CCDC7: variants seen among roughly 807,000 people sequenced by gnomAD.
CCDC7 encodes the protein coiled-coil domain-containing protein 7.
CCDC7 carries 183 observed loss-of-function variants against 196.9 expected under a neutral mutation model. The observed-to-expected ratio is 0.93, with a 90% CI of 0.82 to 1.05. CCDC7 has a LOEUF of 1.05. Ranked by LOEUF, CCDC7 falls within the 50% of genes least tolerant of loss-of-function variation. The probability of loss-of-function intolerance (pLI) is 0.00; values close to 1 mark genes in which losing one functional copy is unlikely to be tolerated. For missense variants in CCDC7, 1,540 were observed against 1,482.2 expected (o/e 1.04, Z -0.64); for synonymous variants, 525 against 484.6 (o/e 1.08, Z -1.10).
intron 41 of CCDC7, among the ~76,000 whole-genome samples, chr10:32,862,169 A>C (rs980561114): frequency 2.0e-5 from 3 of 152,180 alleles, no homozygotes; most frequent in Non-Finnish European, 4.4e-5. Context: ...ACCAACCCAA[A>C]TGCCCATCAG....
intron 9 of CCDC7, among the ~76,000 whole-genome samples, 169 bp from the exon 11 acceptor site, chr10:32,517,776 A>G (rs904505843): frequency 6.6e-6 from 1 of 151,824 alleles, no homozygotes; most frequent in African/African-American, 2.4e-5. Context: ...TATAATAATA[A>G]TAAAATAAAT....
chr10:32,779,337 T>C (rs1252771814), intron 29 of CCDC7, among the ~76,000 whole-genome samples: 1 of 152,224 alleles, frequency 6.6e-6, no homozygotes, highest in African/African-American at 2.4e-5. Context: ...AAAATACATA[T>C]AGGCTTTCCA....
exon 34 of CCDC7, chr10:32,845,267 A>C: frequency 1.3e-6 from 2 of 1,572,688 alleles, no homozygotes; most frequent in Non-Finnish European, 1.7e-6. Flanking sequence ...CACTTAGCAG[A>C]TGATACTGGA....
chr10:32,547,590 A>T (rs1589745477), intron 13 of CCDC7, among the ~76,000 whole-genome samples: 1 of 136,860 alleles, frequency 7.3e-6, no homozygotes, highest in Non-Finnish European at 1.5e-5. Context: ...TTATTTTATT[A>T]AAAAAAAATT....
At chr10:32,811,838 A>T (rs1057196645) in intron 30 of CCDC7, among the ~76,000 whole-genome samples, 1 of 152,156 alleles carries the variant, frequency 6.6e-6, no homozygotes, top group Non-Finnish European at 1.5e-5. Context: ...CTAGCAAACC[A>T]AATTCAACAA....
intron 18 of CCDC7, among the ~76,000 whole-genome samples, chr10:32,602,618 C>G (rs1455950976): frequency 6.6e-6 from 1 of 152,086 alleles, no homozygotes. Context: ...GCCTCATACA[C>G]TTTTTCTTTT....
intron 21 of CCDC7, among the ~76,000 whole-genome samples, chr10:32,667,688 G>T (rs1007681231): frequency 6.6e-5 from 10 of 152,086 alleles, no homozygotes; most frequent in Admixed American, 5.9e-4. Flanking sequence ...TAGATGTGTG[G>T]TATTATTTCT....
At chr10:32,741,180 A>G (rs1335995) in intron 28 of CCDC7, among the ~76,000 whole-genome samples, 13,008 of 152,212 alleles carry the variant, frequency 0.085, 872 homozygotes, top group South Asian at 0.25. Context: ...CCTAGGTAGT[A>G]GATTAAAAAC....
intron 29 of CCDC7, among the ~76,000 whole-genome samples, chr10:32,802,478 A>G (rs1327217349): frequency 6.6e-6 from 1 of 152,164 alleles, no homozygotes; most frequent in Non-Finnish European, 1.5e-5. Flanking sequence ...AAAGGCAACT[A>G]AATACTCCAT....
At chr10:32,452,638 A>G (rs1159270625) in intron 1 of CCDC7, among the ~76,000 whole-genome samples, 1 of 151,860 alleles carries the variant, frequency 6.6e-6, no homozygotes, top group Non-Finnish European at 1.5e-5. Context: ...TTGTACTTTT[A>G]GTAGAGATGG....
chr10:32,580,555 A>G (rs1042555419), intron 16 of CCDC7, among the ~76,000 whole-genome samples: 18 of 152,112 alleles, frequency 1.2e-4, no homozygotes, highest in Admixed American at 1.1e-3. Context: ...ATTGATTTTT[A>G]GAATCATGTT....
intron 21 of CCDC7, among the ~76,000 whole-genome samples, chr10:32,680,635 TG>T (rs2075731254): frequency 6.6e-6 from 1 of 152,030 alleles, no homozygotes; most frequent in African/African-American, 2.4e-5. Flanking sequence ...TTTTCTTATC[TG>T]GGTAAAGGTC....
At chr10:32,460,615 T>C (rs970991330) in intron 3 of CCDC7, among the ~76,000 whole-genome samples, 3 of 55,482 alleles carry the variant, frequency 5.4e-5, no homozygotes, top group African/African-American at 1.3e-4. Flanking sequence ...ATAATGTGCT[T>C]TAGTGGACAT....
chr10:32,757,834 C>T (rs895009818), intron 28 of CCDC7, among the ~76,000 whole-genome samples: 1 of 151,982 alleles, frequency 6.6e-6, no homozygotes, highest in Non-Finnish European at 1.5e-5. Flanking sequence ...TTGAAAAGAT[C>T]AACAAAATTG....
chr10:32,538,377 A>G (rs1417061006), intron 11 of CCDC7, among the ~76,000 whole-genome samples: 1 of 152,130 alleles, frequency 6.6e-6, no homozygotes, highest in East Asian at 1.9e-4. Context: ...CAGCTGAAGG[A>G]GATTTTGGGC....
chr10:32,597,339 T>C (rs145615132), intron 18 of CCDC7, among the ~76,000 whole-genome samples: 169 of 152,372 alleles, frequency 1.1e-3, no homozygotes, highest in African/African-American at 3.9e-3. Flanking sequence ...GCATGTGTCA[T>C]GCAGTTCTCG....
chr10:32,723,237 G>T (rs755710107), intron 25 of CCDC7, among the ~76,000 whole-genome samples: 3 of 152,042 alleles, frequency 2.0e-5, no homozygotes, highest in Non-Finnish European at 1.5e-5. Context: ...GAGAGAGTGC[G>T]TGATTACCAG....
chr10:32,498,217 C>T (rs944151257), intron 9 of CCDC7, among the ~76,000 whole-genome samples: 1 of 151,768 alleles, frequency 6.6e-6, no homozygotes, highest in Non-Finnish European at 1.5e-5. Flanking sequence ...GCAAACCCTG[C>T]TTTTTTTTGC....
At chr10:32,492,363 CAG>C (rs1488105007) in intron 9 of CCDC7, among the ~76,000 whole-genome samples, 2 of 152,062 alleles carry the variant, frequency 1.3e-5, no homozygotes, top group African/African-American at 4.8e-5. Context: ...AAATTGAAAA[CAG>C]AGTGTTGAAG....
Sources: gnomAD v4.1 joint callset for allele counts (sites outside exome capture counted in the v4.1 genomes callset) on GRCh38, gnomAD v4.1.1 for gene constraint, MANE v1.5 for transcripts, NCBI Gene and HGNC (gene_info 2026-07-23, HGNC 2026-07-21) for gene names.